Variants in PATJ observed in about 807,000 individuals in gnomAD.
PATJ encodes the protein inaD-like protein.
Under a neutral mutation model 224.9 loss-of-function variants are expected in PATJ, and 190 were observed. The ratio of observed to expected loss-of-function variants is 0.84; its 90% CI spans 0.75 to 0.95. The LOEUF (loss-of-function observed/expected upper bound fraction) is 0.95. Among genes scored for constraint, PATJ ranks in the 40% least tolerant of loss-of-function variants. The probability of loss-of-function intolerance (pLI) is 0.00; values close to 1 mark genes in which losing one functional copy is unlikely to be tolerated. For synonymous variants in PATJ, 769 were observed against 820.3 expected (o/e 0.94, Z 1.07); for missense variants, 2,121 against 2,270.3 (o/e 0.93, Z 1.34).
chr1:62,039,028 G>A (rs1479296831), intron 30 of PATJ: 23 of 1,079,482 alleles, frequency 2.1e-5, no homozygotes, highest in African/African-American at 3.1e-5. Flanking sequence ...TACTCCTGTA[G>A]TGTGTCCAGC....
rs11439364 is a variant in PATJ, at chr1:62,077,686, CA to C, written c.4126-1748del. 7.2e-3 allele frequency among the ~76,000 whole-genome samples: 639 copies of C among 89,128 alleles called. 3 individuals carry two copies. The highest frequency in any genetic ancestry group is 0.023 in the African/African-American group (563 of 24,360). The allele number at this position is 89,128 out of a possible 152,430, so 58.5% of individuals were successfully genotyped here. On this transcript the variant is annotated intron_variant, in intron 31 of 43. Transcript: ENST00000642238. ...CTAGGTGACAGAGTGAGACCCTGTC[CA>C]AAAAAAAAAAAAAAAGAAGATGGTG...
intron 41 of PATJ, among the ~76,000 whole-genome samples, chr1:62,146,834 AGGATGGAATGTGGGTT>A (rs1157728124): frequency 3.3e-5 from 5 of 152,176 alleles, no homozygotes; most frequent in Non-Finnish European, 7.3e-5. Flanking sequence ...GAATTTCATG[AGGATGGAATGTGGGTT>A]GTGAGAGACA....
chr1:61,770,837 G>A (rs1388837829), intron 5 of PATJ, among the ~76,000 whole-genome samples: 2 of 151,658 alleles, frequency 1.3e-5, no homozygotes, highest in Non-Finnish European at 2.9e-5. Flanking sequence ...CTGAGCCTGG[G>A]AGGCTGAGGC....
intron 15 of PATJ, among the ~76,000 whole-genome samples, chr1:61,823,455 G>A (rs1245397690): frequency 1.3e-5 from 2 of 152,208 alleles, no homozygotes; most frequent in Non-Finnish European, 2.9e-5. Flanking sequence ...CAGGCATACT[G>A]GTTTTCACGT....
At chr1:62,140,969 G>C (rs536128657) in intron 41 of PATJ, among the ~76,000 whole-genome samples, 1 of 152,154 alleles carries the variant, frequency 6.6e-6, no homozygotes, top group African/African-American at 2.4e-5. Context: ...TTTCTAGGAA[G>C]TGGGGGTGAG....
intron 20 of PATJ, among the ~76,000 whole-genome samples, chr1:61,869,180 C>T (rs1456454412): frequency 9.8e-5 from 14 of 142,178 alleles, no homozygotes; most frequent in East Asian, 6.3e-4. Context: ...CATCTCGGCT[C>T]ACTGCAAGCT....
At chr1:61,951,914 G>A (rs1679740024) in intron 27 of PATJ, 1 of 154,506 alleles carries the variant, frequency 6.5e-6, no homozygotes. Context: ...TGTAACTAAT[G>A]TGATGAACCG....
intron 34 of PATJ, 72 bp downstream of exon 34, chr1:62,108,592 CTT>C: frequency 1.2e-6 from 1 of 836,552 alleles, no homozygotes; most frequent in Non-Finnish European, 1.9e-6. Flanking sequence ...ATAAAGTTGT[CTT>C]TCTACTCAAC....
intron 29 of PATJ, among the ~76,000 whole-genome samples, chr1:62,021,587 A>G (rs1647085680): frequency 6.6e-6 from 1 of 152,190 alleles, no homozygotes; most frequent in Non-Finnish European, 1.5e-5. Flanking sequence ...TTTGTGGATT[A>G]AAAATATATA....
At position 61,936,432 on chromosome 1, in the gene PATJ, CA is replaced by C. The variant is rs11455787; in HGVS notation, c.3670+8622del. Among the ~76,000 whole-genome samples, 625 of 92,694 alleles carry C rather than the reference CA, an allele frequency of 6.7e-3. 1 individual carries two copies. The highest frequency in any genetic ancestry group is 0.039 in the Middle Eastern group (6 of 154). 60.8% of individuals were successfully genotyped at this position (92,694 alleles called of 152,430 possible). ...CTCACCTCCTCTCCTCTTCCAAGACCAAAAAAAAAAAAAAAAAAAGCCGGAA... is the reference window on the plus strand; with the variant it reads ...CTCACCTCCTCTCCTCTTCCAAGACCAAAAAAAAAAAAAAAAAAGCCGGAA... On this transcript the variant is annotated intron_variant, in intron 27 of 43. Coordinates refer to ENST00000642238, the MANE Select transcript of PATJ (RefSeq NM_001350145.3).
chr1:61,801,845 A>G (rs1168007599), intron 12 of PATJ, 76 bp downstream of exon 12: 6 of 1,058,812 alleles, frequency 5.7e-6, no homozygotes, highest in Non-Finnish European at 7.7e-6. Context: ...TAGTTAATAT[A>G]GTATGAGAAA....
intron 17 of PATJ, among the ~76,000 whole-genome samples, chr1:61,841,592 T>TC (rs1347902516): frequency 8.8e-6 from 1 of 113,886 alleles, no homozygotes; most frequent in Non-Finnish European, 1.7e-5. Context: ...GTTTTTTTTT[T>TC]CTCTTGCCTT....
chr1:62,064,811 C>T (rs1243952365), intron 31 of PATJ, among the ~76,000 whole-genome samples: 2 of 152,200 alleles, frequency 1.3e-5, no homozygotes, highest in African/African-American at 4.8e-5. Context: ...CCCCAATTTG[C>T]ACTCTATCAA....
intron 30 of PATJ, among the ~76,000 whole-genome samples, chr1:62,041,695 AG>A (rs1418291441): frequency 6.6e-6 from 1 of 152,256 alleles, no homozygotes; most frequent in Non-Finnish European, 1.5e-5. Context: ...TAAAACAAGC[AG>A]GCTAGTATGT....
At chr1:61,775,887 G>C (rs1297481365) in intron 7 of PATJ, among the ~76,000 whole-genome samples, 1 of 152,096 alleles carries the variant, frequency 6.6e-6, no homozygotes, top group Non-Finnish European at 1.5e-5. Context: ...TTAGTTTTTA[G>C]AAATTAGTTT....
At chr1:61,912,989 A>G (rs2149224459) in intron 25 of PATJ, among the ~76,000 whole-genome samples, 1 of 152,312 alleles carries the variant, frequency 6.6e-6, no homozygotes, top group African/African-American at 2.4e-5. Flanking sequence ...TACTAGTAGC[A>G]CAGTGCCTCT....
intron 22 of PATJ, among the ~76,000 whole-genome samples, chr1:61,887,854 A>G (rs1430099874): frequency 1.3e-5 from 2 of 152,166 alleles, no homozygotes; most frequent in Non-Finnish European, 2.9e-5. Flanking sequence ...GGGATGATAG[A>G]TAGGGTGGGC....
At chr1:61,783,716 G>A (rs1647875653) in intron 7 of PATJ, among the ~76,000 whole-genome samples, 1 of 144,418 alleles carries the variant, frequency 6.9e-6, no homozygotes, top group African/African-American at 2.6e-5. Flanking sequence ...GCAAAGTAAT[G>A]TGAGTTTTTT....
chr1:61,992,307 G>A (rs969358239), intron 28 of PATJ, among the ~76,000 whole-genome samples: 2 of 151,918 alleles, frequency 1.3e-5, no homozygotes, highest in Admixed American at 6.6e-5. Flanking sequence ...TAGTAGAGAT[G>A]GGGTTTCTCC....
Sources: gnomAD v4.1 joint callset for allele counts (sites outside exome capture counted in the v4.1 genomes callset) on GRCh38, gnomAD v4.1.1 for gene constraint, MANE v1.5 for transcripts, NCBI Gene and HGNC (gene_info 2026-07-23, HGNC 2026-07-21) for gene names.